THSD4: variants seen among roughly 807,000 people sequenced by gnomAD.
THSD4 encodes thrombospondin type 1 domain containing 4, also known as thrombospondin type-1 domain-containing protein 4.
A neutral mutation model predicts 119.0 loss-of-function variants in THSD4; 69 were observed. That is an observed-to-expected ratio of 0.58 (90% CI 0.48 to 0.71). The LOEUF (loss-of-function observed/expected upper bound fraction) is 0.71, where lower values mean the gene tolerates loss of function less well. Ranked by LOEUF, THSD4 falls within the 30% of genes least tolerant of loss-of-function variation. The pLI is 0.00. For synonymous variants in THSD4, 524 were observed against 540.4 expected (o/e 0.97, Z 0.42); for missense variants, 1,393 against 1,391.1 (o/e 1.00, Z -0.02).
chr15:71,442,660 G>A lies in THSD4; in HGVS notation c.1152+30837G>A, dbSNP rs375306037. Among the ~76,000 whole-genome samples the A allele has an allele frequency of 6.3e-3, 163 of 25,808 alleles. 8 individuals are homozygous for A. The highest frequency in any genetic ancestry group is 0.013 in the African/African-American group (122 of 9,262). 16.9% of individuals were successfully genotyped at this position (25,808 alleles called of 152,430 possible). On this transcript the variant is annotated intron_variant, in intron 7 of 17. Coordinates refer to ENST00000261862, the MANE Select transcript of THSD4 (RefSeq NM_024817.3). Reference sequence around the variant, plus strand: ...TGTGTGTATATGTGTGTGTGTGTGTGTATATATATATATATATATATATAT... The same window carrying A: ...TGTGTGTATATGTGTGTGTGTGTGTATATATATATATATATATATATATAT...
At chr15:71,366,738 T>C (rs1156945333) in intron 6 of THSD4, among the ~76,000 whole-genome samples, 1 of 152,124 alleles carries the variant, frequency 6.6e-6, no homozygotes, top group Non-Finnish European at 1.5e-5. Context: ...GCTCCGATCA[T>C]CTCCAAGAGA....
intron 6 of THSD4, among the ~76,000 whole-genome samples, chr15:71,397,395 A>G (rs535159196): frequency 6.6e-6 from 1 of 152,210 alleles, no homozygotes; most frequent in African/African-American, 2.4e-5. Context: ...GGTACTTACT[A>G]TACTGTCTGG....
At chr15:71,363,251 A>C (rs974361038) in intron 6 of THSD4, among the ~76,000 whole-genome samples, 2 of 152,254 alleles carry the variant, frequency 1.3e-5, no homozygotes, top group African/African-American at 4.8e-5. Context: ...TAGATAGTAC[A>C]TAAATGAATG....
At chr15:71,209,728 A>G (rs537357031) in intron 3 of THSD4, among the ~76,000 whole-genome samples, 4 of 152,318 alleles carry the variant, frequency 2.6e-5, no homozygotes, top group African/African-American at 9.6e-5. Flanking sequence ...GTCCCCACCC[A>G]AACCTCATCT....
chr15:71,315,123 C>T (rs2045168272), intron 6 of THSD4, among the ~76,000 whole-genome samples: 1 of 152,116 alleles, frequency 6.6e-6, no homozygotes, highest in Non-Finnish European at 1.5e-5. Context: ...CACTCTCTGC[C>T]CTCTGGGTCC....
chr15:71,746,589 T>G (rs535629036), intron 12 of THSD4, among the ~76,000 whole-genome samples: 1 of 151,952 alleles, frequency 6.6e-6, no homozygotes, highest in South Asian at 2.1e-4. Context: ...GAGACGGGGT[T>G]TTGCCATGTT....
At chr15:71,493,261 G>T (rs954567830) in intron 7 of THSD4, among the ~76,000 whole-genome samples, 1 of 152,234 alleles carries the variant, frequency 6.6e-6, no homozygotes, top group African/African-American at 2.4e-5. Context: ...ACACTGAATT[G>T]TGAGACCACC....
At chr15:71,570,899 ACTC>A (rs576059412) in intron 7 of THSD4, among the ~76,000 whole-genome samples, 106 of 152,156 alleles carry the variant, frequency 7.0e-4, no homozygotes, top group African/African-American at 2.5e-3. Flanking sequence ...CCCAGACTAC[ACTC>A]CAGGGTGTTC....
At chr15:71,341,175 G>C (rs745785954) in intron 6 of THSD4, 5 of 1,458,560 alleles carry the variant, frequency 3.4e-6, no homozygotes, top group Non-Finnish European at 4.7e-6. Flanking sequence ...CGTGCCATAA[G>C]TTTTTGTTTC....
intron 7 of THSD4, among the ~76,000 whole-genome samples, chr15:71,556,491 A>G (rs1217411850): frequency 6.6e-6 from 1 of 152,144 alleles, no homozygotes; most frequent in Non-Finnish European, 1.5e-5. Context: ...TCATGTTTGT[A>G]ATGCTGGTAG....
At chr15:71,372,297 T>C (rs1340708967) in intron 6 of THSD4, among the ~76,000 whole-genome samples, 1 of 152,242 alleles carries the variant, frequency 6.6e-6, no homozygotes, top group Non-Finnish European at 1.5e-5. Context: ...TCATTCTCCA[T>C]CCAGCTTTGT....
intron 3 of THSD4, among the ~76,000 whole-genome samples, chr15:71,194,388 C>G (rs2043701941): frequency 6.6e-6 from 1 of 152,198 alleles, no homozygotes; most frequent in Non-Finnish European, 1.5e-5. Context: ...TACTGAGAAG[C>G]CCAGCCCACT....
chr15:71,264,802 A>G (rs2044445077), intron 6 of THSD4, among the ~76,000 whole-genome samples: 1 of 152,168 alleles, frequency 6.6e-6, no homozygotes, highest in African/African-American at 2.4e-5. Flanking sequence ...AGAGGCACCA[A>G]GGCATTATCA....
Position 71,221,879 on chromosome 15 carries a change from C to T in THSD4, c.464+6480C>T, listed in dbSNP as rs117759024. Among the ~76,000 whole-genome samples, 9 of 152,100 alleles carry T rather than the reference C, an allele frequency of 5.9e-5. No homozygotes were observed. The East Asian group carries it at 1.7e-3, about 29-fold the overall frequency. ...TATTTTACCTTCCCACAACAGTGCA[C>T]GAGGATTCCGTCCTCACCAACACTT... On this transcript the variant is annotated intron_variant, in intron 4 of 17. Coordinates refer to ENST00000261862, the MANE Select transcript of THSD4 (RefSeq NM_024817.3).
chr15:71,440,883 T>C (rs1467843182), intron 7 of THSD4, among the ~76,000 whole-genome samples: 1 of 152,210 alleles, frequency 6.6e-6, no homozygotes, highest in African/African-American at 2.4e-5. Flanking sequence ...TAAATTACAC[T>C]TGGGAGCAAT....
At chr15:71,207,622 C>T (rs1028510336) in intron 3 of THSD4, among the ~76,000 whole-genome samples, 3 of 152,200 alleles carry the variant, frequency 2.0e-5, no homozygotes, top group Admixed American at 6.5e-5. Context: ...AGGAGGTGAG[C>T]GGCGGGTCAG....
At position 71,670,313 on chromosome 15, in the gene THSD4, G is replaced by A. The variant is rs560234145; in HGVS notation, c.1357+9579G>A. On this transcript the variant is annotated intron_variant, in intron 8 of 17. Coordinates refer to ENST00000261862, the MANE Select transcript of THSD4 (RefSeq NM_024817.3). Reference sequence around the variant, plus strand: ...TTCTCATTGTTCAATTCCCACCTATGAGTAAGAACATGCGGTGTTTGGTTT... The same window carrying A: ...TTCTCATTGTTCAATTCCCACCTATAAGTAAGAACATGCGGTGTTTGGTTT... Among the ~76,000 whole-genome samples, 52 of 152,012 alleles carry A rather than the reference G, an allele frequency of 3.4e-4. No individual in the cohort carries two copies. In the South Asian group the frequency reaches 9.1e-3, roughly 27 times the overall value.
chr15:71,608,245 T>TACACACACAC (rs1290956246), intron 7 of THSD4, among the ~76,000 whole-genome samples: 5 of 77,572 alleles, frequency 6.4e-5, no homozygotes, highest in African/African-American at 1.9e-4. Flanking sequence ...AAAATATATA[T>TACACACACAC]ATATACACAC....
chr15:71,596,337 A>G (rs1412427039), intron 7 of THSD4, among the ~76,000 whole-genome samples: 1 of 152,170 alleles, frequency 6.6e-6, no homozygotes, highest in Non-Finnish European at 1.5e-5. Context: ...TTCTTCTCCA[A>G]GTACAAACAC....
Sources: gnomAD v4.1 joint callset for allele counts (sites outside exome capture counted in the v4.1 genomes callset) on GRCh38, gnomAD v4.1.1 for gene constraint, MANE v1.5 for transcripts, NCBI Gene and HGNC (gene_info 2026-07-23, HGNC 2026-07-21) for gene names.